PTPRZ1: variants seen among roughly 807,000 people sequenced by gnomAD.
PTPRZ1 encodes the protein protein tyrosine phosphatase receptor type Z1.
A neutral mutation model predicts 214.1 loss-of-function variants in PTPRZ1; 82 were observed. The ratio of observed to expected loss-of-function variants is 0.38; its 90% CI spans 0.32 to 0.46. The LOEUF (loss-of-function observed/expected upper bound fraction) is 0.46. Among genes scored for constraint, PTPRZ1 ranks in the 20% least tolerant of loss-of-function variants. The pLI is 1.00. For synonymous variants in PTPRZ1, 945 were observed against 987.9 expected (o/e 0.96, Z 0.81); for missense variants, 2,603 against 2,748.7 (o/e 0.95, Z 1.19).
intron 1 of PTPRZ1, among the ~76,000 whole-genome samples, chr7:121,891,533 T>G (rs1416474493): frequency 6.7e-6 from 1 of 149,234 alleles, no homozygotes; most frequent in Non-Finnish European, 1.5e-5. Flanking sequence ...CTTCTTTTTT[T>G]AGCTTGTATT....
intron 1 of PTPRZ1, among the ~76,000 whole-genome samples, chr7:121,922,491 G>A (rs893756044): frequency 6.6e-6 from 1 of 152,114 alleles, no homozygotes; most frequent in African/African-American, 2.4e-5. Flanking sequence ...CAGGGCGTAG[G>A]CGTGGGGTGA....
At position 122,038,844 on chromosome 7, in the gene PTPRZ1, T is replaced by A. The variant is rs1182015659; in HGVS notation, c.5457T>A (p.Asn1819Lys). ...TCTGGAGAATGATATGGGAACATAATGTGGAAGTTATTGTCATGATAACAA... is the reference window on the plus strand; with the variant it reads ...TCTGGAGAATGATATGGGAACATAAAGTGGAAGTTATTGTCATGATAACAA... ...EDFWRMIWEH[N>K]VEVIVMITNL... The change falls in exon 19 of 30, where the codon AAT (asparagine) becomes AAA (lysine). Residue 1819 changes from asparagine (N) to lysine (K), a missense_variant. Asn to Lys is a moderately conservative substitution (Grantham distance 94). Around this residue, in one of 6 missense-constraint regions of PTPRZ1, gnomAD observed 1,913 missense variants for 1,914.3 expected, o/e 1.00. Transcript: ENST00000393386. 3.1e-6 allele frequency: 5 copies of A among 1,613,756 alleles called. No homozygotes were observed. Among genetic ancestry groups the A allele is most frequent in the Non-Finnish European group, 3.4e-6 (4 of 1,179,856 alleles).
chr7:121,889,324 T>C (rs991131814), intron 1 of PTPRZ1, among the ~76,000 whole-genome samples: 3 of 152,132 alleles, frequency 2.0e-5, no homozygotes, highest in African/African-American at 4.8e-5. Flanking sequence ...GAAAGGGCTG[T>C]AAAATACTAG....
intron 2 of PTPRZ1, among the ~76,000 whole-genome samples, chr7:121,960,474 T>A (rs1796840605): frequency 6.6e-6 from 1 of 152,214 alleles, no homozygotes; most frequent in Non-Finnish European, 1.5e-5. Flanking sequence ...GTTATTAAAA[T>A]CTGATTAAAT....
At chr7:122,008,804 A>G (rs916916026) in intron 11 of PTPRZ1, among the ~76,000 whole-genome samples, 1 of 152,142 alleles carries the variant, frequency 6.6e-6, no homozygotes, top group Non-Finnish European at 1.5e-5. Flanking sequence ...TCCCCAGCAA[A>G]ACTCTGCATC....
chr7:121,875,051 A>C (rs1794010588), intron 1 of PTPRZ1, among the ~76,000 whole-genome samples: 1 of 152,194 alleles, frequency 6.6e-6, no homozygotes. Context: ...TTGAAAAAAA[A>C]AAAAAGATAA....
chr7:122,009,236 C>T (rs1254322205), intron 11 of PTPRZ1, among the ~76,000 whole-genome samples: 1 of 152,032 alleles, frequency 6.6e-6, no homozygotes, highest in Admixed American at 6.6e-5. Flanking sequence ...GTGTTTCATA[C>T]AGTGCAGATT....
intron 1 of PTPRZ1, among the ~76,000 whole-genome samples, chr7:121,926,798 C>T (rs1021351840): frequency 2.6e-5 from 4 of 151,878 alleles, no homozygotes; most frequent in East Asian, 1.9e-4. Flanking sequence ...TTGTGTGATA[C>T]GTAGATTATA....
intron 1 of PTPRZ1, among the ~76,000 whole-genome samples, chr7:121,905,384 G>GAGTCATCAAGGAC (rs1795085460): frequency 6.6e-6 from 1 of 152,124 alleles, no homozygotes; most frequent in Admixed American, 6.6e-5. Context: ...GAGACGAGGA[G>GAGTCATCAAGGAC]AGTCATCAAG....
chr7:121,878,801 A>G (rs1156419809), intron 1 of PTPRZ1, among the ~76,000 whole-genome samples: 2 of 152,178 alleles, frequency 1.3e-5, no homozygotes, highest in South Asian at 2.1e-4. Flanking sequence ...TTCAGTCAAC[A>G]TTGCATTCTT....
At chr7:122,028,983 A>G (rs1211271488) in intron 14 of PTPRZ1, among the ~76,000 whole-genome samples, 1 of 152,040 alleles carries the variant, frequency 6.6e-6, no homozygotes, top group Non-Finnish European at 1.5e-5. Flanking sequence ...ATGGAAACCC[A>G]AGCAACAAAA....
intron 2 of PTPRZ1, among the ~76,000 whole-genome samples, chr7:121,934,028 A>G (rs1265760417): frequency 6.6e-6 from 1 of 152,150 alleles, no homozygotes; most frequent in Non-Finnish European, 1.5e-5. Context: ...ATATGGACAT[A>G]GATGAAAGGC....
At chr7:121,896,246 T>A (rs1178933904) in intron 1 of PTPRZ1, among the ~76,000 whole-genome samples, 4 of 152,228 alleles carry the variant, frequency 2.6e-5, no homozygotes, top group Admixed American at 2.6e-4. Flanking sequence ...ATAGAATTGT[T>A]AATTATATGC....
At position 122,051,810 on chromosome 7, in the gene PTPRZ1, G is replaced by GTTGTTTTGTTTTGTT. The variant is rs367945464; in HGVS notation, c.6179-38_6179-24dup. On this transcript the variant is annotated intron_variant, in intron 24 of 29. Coordinates refer to ENST00000393386, the MANE Select transcript of PTPRZ1 (RefSeq NM_002851.3). The stretch of plus-strand genomic sequence containing the variant: ...AGATGGTACAGTGCTGTGAGCATGA[G>GTTGTTTTGTTTTGTT]TTGTTTTGTTTTGTTTTGTTTTGTT... 283 of 1,410,270 alleles carry GTTGTTTTGTTTTGTT rather than the reference G, an allele frequency of 2.0e-4. No individual in the cohort carries two copies. The African/African-American group carries it at 3.3e-3, about 16-fold the overall frequency. The allele number at this position is 1,410,270 out of a possible 1,614,324, so 87.4% of individuals were successfully genotyped here. A position where few individuals can be genotyped will look rare whatever the true frequency, so the allele number is the denominator to read the frequency against.
rs761365256 is a variant in PTPRZ1 at position 122,012,463 on chromosome 7, G to A, written c.3417G>A (p.Ser1139=). ...TCTCTCAAGCATCTGGTGACACTTCGCTTAAACCTGTGCTTAGTGCAAACT... is the reference window on the plus strand; with the variant it reads ...TCTCTCAAGCATCTGGTGACACTTCACTTAAACCTGTGCTTAGTGCAAACT... ...HTVSQASGDT[S]LKPVLSANSE... Residue 1139 remains serine (S), a synonymous_variant, in exon 12 of 30, where the codon TCG becomes TCA. Transcript: ENST00000393386. 5.6e-6 allele frequency: 9 copies of A among 1,613,610 alleles called. No individual in the cohort carries two copies. Among genetic ancestry groups the A allele is most frequent in the East Asian group, 2.2e-5 (1 of 44,870 alleles).
At chr7:121,993,404 C>T (rs138964718) in intron 8 of PTPRZ1, among the ~76,000 whole-genome samples, 1 of 150,730 alleles carries the variant, frequency 6.6e-6, no homozygotes, top group Non-Finnish European at 1.5e-5. Context: ...AACCTCATCT[C>T]TACTAAAAAT....
chr7:121,890,234 G>C (rs1171117706), intron 1 of PTPRZ1, among the ~76,000 whole-genome samples: 4 of 152,058 alleles, frequency 2.6e-5, no homozygotes, highest in Non-Finnish European at 5.9e-5. Context: ...TTGATCTCCT[G>C]ATCTTCCTCC....
At chr7:121,994,730 G>A (rs1181878804) in intron 8 of PTPRZ1, among the ~76,000 whole-genome samples, 1 of 152,154 alleles carries the variant, frequency 6.6e-6, no homozygotes, top group Non-Finnish European at 1.5e-5. Flanking sequence ...GAGACAATTT[G>A]AAGGTCTTCT....
At position 121,976,996 on chromosome 7, in the gene PTPRZ1, T is replaced by C. The variant is rs1016947310; in HGVS notation, c.619+145T>C. On this transcript the variant is annotated intron_variant, in intron 6 of 29. Coordinates refer to ENST00000393386, the MANE Select transcript of PTPRZ1 (RefSeq NM_002851.3). ...GCAATCTCTCACTTTCCACACTTGATAATTTATACATTTCTCACCAAATAA... is the reference window on the plus strand; with the variant it reads ...GCAATCTCTCACTTTCCACACTTGACAATTTATACATTTCTCACCAAATAA... The C allele has an allele frequency of 5.7e-6, 3 of 528,244 alleles. No individual in the cohort carries two copies. The African/African-American group carries it at 5.9e-5, about 10-fold the overall frequency. The allele number at this position is 528,244 out of a possible 1,614,324, so 32.7% of individuals were successfully genotyped here.
Sources: allele counts gnomAD v4.1 joint callset (sites outside exome capture counted in the v4.1 genomes callset), GRCh38; gene constraint gnomAD v4.1.1; regional missense constraint gnomAD v4.1.1; transcripts MANE v1.5; gene names NCBI Gene and HGNC (gene_info 2026-07-23, HGNC 2026-07-21).